The following GDF10 variants were observed in gnomAD, a reference collection of about 807,000 sequenced individuals.
GDF10 encodes growth/differentiation factor 10.
Under a neutral mutation model 32.1 loss-of-function variants are expected in GDF10, and 23 were observed. That is an observed-to-expected ratio of 0.72 (90% confidence interval 0.52 to 1.02). The LOEUF is 1.02. Among genes scored for constraint, GDF10 ranks in the 50% least tolerant of loss-of-function variants. The probability of loss-of-function intolerance (pLI) is 0.00; values close to 1 mark genes in which losing one functional copy is unlikely to be tolerated. For missense variants in GDF10, 764 were observed against 673.9 expected, an observed-to-expected ratio of 1.13 and a Z score of -1.48; for synonymous variants, 328 against 303.1, an observed-to-expected ratio of 1.08 and a Z score of -0.85.
At chr10:47,304,384 AAGG>A (rs1312375813) in intron 1 of GDF10, among the ~76,000 whole-genome samples, 1 of 151,934 alleles carries the variant, frequency 6.6e-6, no homozygotes, top group African/African-American at 2.4e-5. Flanking sequence ...GAGAGAGAGA[AAGG>A]AGAGAGGGAG....
intron 1 of GDF10, 150 bp downstream of exon 1, chr10:47,301,120 A>G (rs1166379635): frequency 1.1e-5 from 7 of 617,594 alleles, no homozygotes; most frequent in Middle Eastern, 3.5e-4. Flanking sequence ...TGATCTCTCC[A>G]TGCCAGGCCC....
At chr10:47,308,153 C>A (rs1465886239) in intron 1 of GDF10, among the ~76,000 whole-genome samples, 2 of 152,232 alleles carry the variant, frequency 1.3e-5, no homozygotes, top group African/African-American at 4.8e-5. Context: ...ACCACCGCTA[C>A]CACCGGAGTG....
intron 2 of GDF10, among the ~76,000 whole-genome samples, chr10:47,311,175 A>C (rs1555207740): frequency 6.6e-6 from 1 of 152,206 alleles, no homozygotes; most frequent in Admixed American, 6.5e-5. Flanking sequence ...TGCTAGCCTC[A>C]GCAGCTCTCC....
intron 1 of GDF10, among the ~76,000 whole-genome samples, chr10:47,301,231 C>G (rs1011696902): frequency 7.9e-5 from 12 of 152,364 alleles, no homozygotes; most frequent in Admixed American, 2.0e-4. Flanking sequence ...ACCCCATACA[C>G]AAGGCTGTAA....
In GDF10 at chr10:47,300,655, G is replaced by A. The variant is rs781976261; in HGVS notation, c.4G>A (p.Ala2Thr). The change falls in exon 1 of 3, where the codon GCT becomes ACT. Residue 2 changes from alanine to threonine, a missense_variant. Ala to Thr is a moderately conservative substitution (Grantham distance 58). Transcript: ENST00000580279. M[A>T]HVPARTSPGP... ...CCTTTGCCGCCCTCACCACGCCATGGCTCATGTCCCCGCTCGGACCAGCCC... is the reference window on the plus strand; with the variant it reads ...CCTTTGCCGCCCTCACCACGCCATGACTCATGTCCCCGCTCGGACCAGCCC... The A allele has an allele frequency of 4.4e-6, 7 of 1,595,268 alleles. No homozygotes were observed. The highest frequency in any genetic ancestry group is 1.7e-4 in the Middle Eastern group (1 of 5,870).
At position 47,309,971 on chromosome 10, in the gene GDF10, C is replaced by T. The variant is rs781789997; in HGVS notation, c.495C>T (p.Gly165=). The T allele has an allele frequency of 6.8e-6, 11 of 1,611,620 alleles. No individual in the cohort carries two copies. In the South Asian group the frequency reaches 8.8e-5, roughly 13 times the overall value. The change falls in exon 2 of 3, where the codon GGC becomes GGT. Residue 165 remains glycine, a synonymous_variant. Transcript: ENST00000580279. The stretch of plus-strand genomic sequence containing the variant: ...CTTCAGGCCGCCCGCTGCCCCTGGG[C>T]CCGCCCACACGCCAGCACCTGCTCT... ...KNASGRPLPL[G]PPTRQHLLFR...
chr10:47,310,624 T>C lies in GDF10; in HGVS notation c.1148T>C (p.Val383Ala), dbSNP rs782052751. The part of the protein sequence containing the change: ...PRVCSRRYLK[V>A]DFADIGWNEW... Reference sequence around the variant, plus strand: ...GTGTGCTCCCGGAGGTACCTGAAGGTGGACTTCGCAGACATCGGCTGGAAT... The same window carrying C: ...GTGTGCTCCCGGAGGTACCTGAAGGCGGACTTCGCAGACATCGGCTGGAAT... Residue 383 changes from valine (V) to alanine (A), a missense_variant, in exon 2 of 3, where the codon GTG (valine) becomes GCG (alanine). Physicochemically the swap from Val to Ala is moderately conservative, Grantham distance 64. Transcript: ENST00000580279. 6.2e-7 allele frequency: 1 copy of C among 1,614,000 alleles called. No homozygotes were observed. The highest frequency in any genetic ancestry group is 1.3e-5 in the African/African-American group (1 of 75,006).
At chr10:47,308,312 G>A (rs2061030472) in intron 1 of GDF10, among the ~76,000 whole-genome samples, 1 of 152,186 alleles carries the variant, frequency 6.6e-6, no homozygotes, top group South Asian at 2.1e-4. Flanking sequence ...CTGGGCTGCT[G>A]CTTATGTGTG....
rs1555207907 is a variant in GDF10, at chr10:47,312,786, C to T, written c.1431C>T (p.Cys477=). The change falls in exon 3 of 3, where the codon TGC becomes TGT. Residue 477 remains cysteine (C), a synonymous_variant. Transcript: ENST00000580279. ...YPNMSVDTCA[C]R The stretch of plus-strand genomic sequence containing the variant: ...ACATGTCCGTGGACACCTGTGCCTG[C>T]CGGTGAGACCACTCCAGGGTGGAAA... 1 of 1,569,080 alleles carries T rather than the reference C, an allele frequency of 6.4e-7. No homozygotes were observed. Among genetic ancestry groups the T allele is most frequent in the Admixed American group, 1.8e-5 (1 of 56,444 alleles).
rs1233796542 is a variant in GDF10, at chr10:47,300,446, GC to G, written c.-205del. On this transcript the variant is annotated 5_prime_UTR_variant, in exon 1 of 3. Coordinates refer to ENST00000580279, the MANE Select transcript of GDF10 (RefSeq NM_004962.5). ...GGACGGCTGTGACCGCTGGCCGGGG[GC>G]TCGGGCCGCCGGTACCCACGGACCG... 2.0e-6 allele frequency: 1 copy of G among 504,548 alleles called. No individual in the cohort carries two copies. The highest frequency in any genetic ancestry group is 3.4e-6 in the Non-Finnish European group (1 of 290,312). The allele number at this position is 504,548 out of a possible 1,614,324, so 31.3% of individuals were successfully genotyped here.
chr10:47,309,829 A>C lies in GDF10; in HGVS notation c.353A>C (p.Asn118Thr), dbSNP rs782765479. The C allele has an allele frequency of 6.2e-7, 1 of 1,612,332 alleles. No individual in the cohort carries two copies. Among genetic ancestry groups the C allele is most frequent in the Non-Finnish European group, 8.5e-7 (1 of 1,179,398 alleles). Reference sequence around the variant, plus strand: ...GACCAGAAGGCCGTGTATTTCTTCAACCTGACTTCCATGCAAGACTCGGAA... The same window carrying C: ...GACCAGAAGGCCGTGTATTTCTTCACCCTGACTTCCATGCAAGACTCGGAA... ...VVDQKAVYFF[N>T]LTSMQDSEMI... Residue 118 changes from asparagine (N) to threonine (T), a missense_variant, in exon 2 of 3, where the codon AAC (asparagine) becomes ACC (threonine). Transcript: ENST00000580279.
intron 1 of GDF10, among the ~76,000 whole-genome samples, chr10:47,307,217 T>G (rs1362942096): frequency 1.3e-5 from 2 of 151,576 alleles, no homozygotes; most frequent in Non-Finnish European, 2.9e-5. Context: ...GAGTAGGAGT[T>G]TTGCAAATCT....
intron 1 of GDF10, among the ~76,000 whole-genome samples, chr10:47,304,826 C>G (rs1175566469): frequency 1.3e-5 from 2 of 152,172 alleles, no homozygotes; most frequent in Non-Finnish European, 1.5e-5. Flanking sequence ...TGCCTGCTGG[C>G]TATTTGCAAT....
rs2061053715 is a variant in GDF10 at position 47,313,288 on chromosome 10, A to G, written c.*496A>G. ...AAAGTCCACTGCAGAGCTTTTATCC[A>G]TATGGTATGCACATGTAGCCAATAT... On this transcript the variant is annotated 3_prime_UTR_variant, in exon 3 of 3. Coordinates refer to ENST00000580279, the MANE Select transcript of GDF10 (RefSeq NM_004962.5). 1 of 152,332 alleles carries G rather than the reference A, an allele frequency of 6.6e-6. No homozygotes were observed. The highest frequency in any genetic ancestry group is 1.5e-5 in the Non-Finnish European group (1 of 68,132). The allele number at this position is 152,332 out of a possible 1,614,324, so 9.4% of individuals were successfully genotyped here.
rs533696624 is a variant in GDF10 at position 47,301,875 on chromosome 10, C to G, written c.319+905C>G. 2.6e-5 allele frequency among the ~76,000 whole-genome samples: 4 copies of G among 152,324 alleles called. No homozygotes were observed. In the South Asian group the frequency reaches 8.3e-4, roughly 32 times the overall value. On this transcript the variant is annotated intron_variant, in intron 1 of 2. Coordinates refer to ENST00000580279, the MANE Select transcript of GDF10 (RefSeq NM_004962.5). The stretch of plus-strand genomic sequence containing the variant: ...GAGAAAAATCTGCAGTCTACAGGCT[C>G]CCCTCCTGAGGGAGAGGGAAACAAG...
intron 1 of GDF10, among the ~76,000 whole-genome samples, chr10:47,302,946 A>G (rs2061009635): frequency 2.0e-5 from 3 of 152,080 alleles, no homozygotes; most frequent in Admixed American, 2.0e-4. Context: ...AGGTTAGTTT[A>G]CCTCTCTGAG....
Position 47,309,816 on chromosome 10 carries a change from G to A in GDF10, c.340G>A (p.Val114Met), listed in dbSNP as rs781793475. The A allele has an allele frequency of 4.2e-5, 68 of 1,609,622 alleles. No homozygotes were observed. Among genetic ancestry groups the A allele is most frequent in the Middle Eastern group, 1.6e-4 (1 of 6,074 alleles). The change falls in exon 2 of 3, where the codon GTG becomes ATG. Residue 114 changes from valine (V) to methionine (M), a missense_variant. By Grantham distance (21) the Val-to-Met change is conservative (BLOSUM62 1). Coordinates refer to ENST00000580279, the MANE Select transcript of GDF10 (RefSeq NM_004962.5). ...ARLEVVDQKA[V>M]YFFNLTSMQD... Reference sequence around the variant, plus strand: ...CACAGAAGTGGTCGACCAGAAGGCCGTGTATTTCTTCAACCTGACTTCCAT... The same window carrying A: ...CACAGAAGTGGTCGACCAGAAGGCCATGTATTTCTTCAACCTGACTTCCAT...
chr10:47,307,563 C>T (rs1348857088), intron 1 of GDF10, among the ~76,000 whole-genome samples: 3 of 152,202 alleles, frequency 2.0e-5, no homozygotes, highest in Admixed American at 2.0e-4. Flanking sequence ...TGGGGGTGAC[C>T]CATCTTGTCC....
intron 2 of GDF10, 65 bp downstream of exon 2, chr10:47,310,786 C>T: frequency 1.8e-6 from 2 of 1,098,732 alleles, no homozygotes; most frequent in Non-Finnish European, 2.8e-6. Context: ...TCAAGTTCCT[C>T]AGCCTGCAGG....
Sources: gnomAD v4.1 joint callset for allele counts (sites outside exome capture counted in the v4.1 genomes callset) on GRCh38, gnomAD v4.1.1 for gene constraint, MANE v1.5 for transcripts, NCBI Gene and HGNC (gene_info 2026-07-23, HGNC 2026-07-21) for gene names.